Variants in B3GALT1 observed in about 807,000 individuals in gnomAD.
B3GALT1 encodes the protein UDP-Gal:betaGlcNAc beta 1,3-galactosyltransferase, polypeptide 1.
Under a neutral mutation model 23.2 loss-of-function variants are expected in B3GALT1, and 10 were observed. That is an observed-to-expected ratio of 0.43 (90% CI 0.27 to 0.73). The LOEUF is 0.73. B3GALT1 is among the 30% of genes least tolerant of loss of function. The probability of loss-of-function intolerance (pLI) is 0.21; values close to 1 mark genes in which losing one functional copy is unlikely to be tolerated. For synonymous variants in B3GALT1, 156 were observed against 141.5 expected (o/e 1.10, Z -0.73); for missense variants, 299 against 405.4 (o/e 0.74, Z 2.25).
intron 4 of B3GALT1, among the ~76,000 whole-genome samples, chr2:167,825,044 G>A (rs1235900121): frequency 6.6e-6 from 1 of 152,010 alleles, no homozygotes; most frequent in Non-Finnish European, 1.5e-5. Context: ...CCAGCACTTT[G>A]GAAGGCCGAG....
At chr2:167,415,583 G>T (rs575153295) in intron 1 of B3GALT1, among the ~76,000 whole-genome samples, 1 of 152,244 alleles carries the variant, frequency 6.6e-6, no homozygotes, top group African/African-American at 2.4e-5. Flanking sequence ...GGAGTTTGAA[G>T]GAGCAGGCTA....
intron 1 of B3GALT1, among the ~76,000 whole-genome samples, chr2:167,366,286 C>A (rs969744778): frequency 3.9e-5 from 6 of 152,064 alleles, no homozygotes; most frequent in African/African-American, 1.4e-4. Flanking sequence ...CCAAAATTTT[C>A]TTTTATATAG....
rs1406145422 is a variant in B3GALT1 at position 167,521,982 on chromosome 2, G to GTATATATA, written c.-410+31706_-410+31707insATATATAT. ...TACCAACATATATGTGTGTGTGTGT[G>GTATATATA]TGTATATATATATATATATATATAC... is the stretch of plus-strand genomic sequence containing the variant. On this transcript the variant is annotated intron_variant, in intron 2 of 4. Coordinates refer to ENST00000392690, the MANE Select transcript of B3GALT1 (RefSeq NM_020981.4). Among the ~76,000 whole-genome samples the GTATATATA allele has an allele frequency of 1.8e-3, 237 of 135,226 alleles. 6 individuals carry two copies. The East Asian group carries it at 0.043, about 24-fold the overall frequency. The allele number at this position is 135,226 out of a possible 152,430, so 88.7% of individuals were successfully genotyped here. A position where few individuals can be genotyped will look rare whatever the true frequency, so the allele number is the denominator to read the frequency against.
At chr2:167,692,671 G>A (rs1273323283) in intron 3 of B3GALT1, among the ~76,000 whole-genome samples, 2 of 151,882 alleles carry the variant, frequency 1.3e-5, no homozygotes, top group Non-Finnish European at 1.5e-5. Context: ...ACTTTAATGG[G>A]CTTGGATATA....
At chr2:167,716,868 A>T (rs1394270470) in intron 3 of B3GALT1, among the ~76,000 whole-genome samples, 1 of 152,084 alleles carries the variant, frequency 6.6e-6, no homozygotes, top group Non-Finnish European at 1.5e-5. Flanking sequence ...AGCTTAGTGT[A>T]TATTCCTTTA....
At chr2:167,356,437 A>T (rs1437861986) in intron 1 of B3GALT1, among the ~76,000 whole-genome samples, 4 of 152,158 alleles carry the variant, frequency 2.6e-5, no homozygotes, top group Non-Finnish European at 5.9e-5. Flanking sequence ...TTCATAGTAG[A>T]CAAAAGTGTA....
At chr2:167,501,718 CA>C (rs35445623) in intron 2 of B3GALT1, among the ~76,000 whole-genome samples, 24,303 of 65,488 alleles carry the variant, frequency 0.37, 1,604 homozygotes, top group East Asian at 0.58. Context: ...TCTACAGTGG[CA>C]AAAAAAAAAA....
intron 1 of B3GALT1, among the ~76,000 whole-genome samples, chr2:167,305,443 G>A (rs1696536458): frequency 6.6e-6 from 1 of 152,122 alleles, no homozygotes; most frequent in African/African-American, 2.4e-5. Context: ...CACAACCAAT[G>A]CTGTAAAGCT....
At chr2:167,357,014 T>C (rs1190754761) in intron 1 of B3GALT1, among the ~76,000 whole-genome samples, 1 of 151,316 alleles carries the variant, frequency 6.6e-6, no homozygotes, top group Non-Finnish European at 1.5e-5. Flanking sequence ...TTTTCCCAGT[T>C]TGTATGTGTG....
At chr2:167,746,187 T>C (rs1482517227) in intron 3 of B3GALT1, among the ~76,000 whole-genome samples, 3 of 149,528 alleles carry the variant, frequency 2.0e-5, no homozygotes, top group African/African-American at 5.0e-5. Context: ...GGTTGTGAAA[T>C]ATCTATAAAA....
chr2:167,840,997 T>G (rs1329034180), intron 4 of B3GALT1, among the ~76,000 whole-genome samples: 5 of 121,704 alleles, frequency 4.1e-5, no homozygotes, highest in Admixed American at 1.0e-4. Context: ...GACACAGGAA[T>G]GGGAACATCA....
intron 2 of B3GALT1, among the ~76,000 whole-genome samples, chr2:167,510,916 A>G (rs916434395): frequency 5.3e-5 from 8 of 152,196 alleles, no homozygotes; most frequent in African/African-American, 1.2e-4. Flanking sequence ...AAGCTATGAG[A>G]TGGGATGTGA....
At chr2:167,729,596 C>G (rs1687374652) in intron 3 of B3GALT1, among the ~76,000 whole-genome samples, 1 of 152,176 alleles carries the variant, frequency 6.6e-6, no homozygotes, top group Non-Finnish European at 1.5e-5. Flanking sequence ...CTTCCTCTCT[C>G]TATTATGTAA....
At chr2:167,841,476 C>T (rs1689648421) in intron 4 of B3GALT1, among the ~76,000 whole-genome samples, 1 of 152,210 alleles carries the variant, frequency 6.6e-6, no homozygotes, top group Non-Finnish European at 1.5e-5. Context: ...TCCTATTTCA[C>T]AAATTCTCCA....
intron 4 of B3GALT1, among the ~76,000 whole-genome samples, chr2:167,867,762 G>A (rs866573876): frequency 1.1e-4 from 17 of 152,080 alleles, no homozygotes; most frequent in Admixed American, 2.0e-4. Flanking sequence ...CTGCCCTAAC[G>A]AGACAGGAAG....
intron 4 of B3GALT1, among the ~76,000 whole-genome samples, chr2:167,860,374 T>A (rs28542049): frequency 0.01 from 1,553 of 152,292 alleles, 21 homozygotes; most frequent in African/African-American, 0.035. Context: ...TCTCTCTGTC[T>A]CTCTCGTGTG....
chr2:167,471,333 C>G (rs1465590514), intron 1 of B3GALT1, among the ~76,000 whole-genome samples: 2 of 152,120 alleles, frequency 1.3e-5, no homozygotes, highest in Admixed American at 1.3e-4. Flanking sequence ...TATCCTTTCA[C>G]AGGCAGAACA....
intron 3 of B3GALT1, among the ~76,000 whole-genome samples, chr2:167,695,347 CAATCATT>C (rs1483364836): frequency 5.9e-5 from 9 of 152,078 alleles, no homozygotes; most frequent in Admixed American, 3.3e-4. Context: ...TGTCTTTAGT[CAATCATT>C]AATCTTTGAG....
chr2:167,430,228 G>C (rs1369011987), intron 1 of B3GALT1, among the ~76,000 whole-genome samples: 1 of 152,148 alleles, frequency 6.6e-6, no homozygotes, highest in African/African-American at 2.4e-5. Flanking sequence ...AGAATGGACT[G>C]TTTATGATTG....
Sources: gnomAD v4.1 joint callset for allele counts (sites outside exome capture counted in the v4.1 genomes callset) on GRCh38, gnomAD v4.1.1 for gene constraint, MANE v1.5 for transcripts, NCBI Gene and HGNC (gene_info 2026-07-23, HGNC 2026-07-21) for gene names.